Variants in TMEM209 observed in about 807,000 individuals in gnomAD.
The protein encoded by TMEM209 is transmembrane protein 209, also known as testicular tissue protein Li 202.
In TMEM209, 65 loss-of-function variants were observed where a neutral mutation model predicts 76.2. The ratio of observed to expected loss-of-function variants is 0.85; its 90% CI spans 0.70 to 1.05. TMEM209 has a LOEUF of 1.05. Among genes scored for constraint, TMEM209 ranks in the 50% least tolerant of loss-of-function variants. The pLI is 0.00. For missense variants in TMEM209, 623 were observed against 685.5 expected (o/e 0.91, Z 1.02); for synonymous variants, 239 against 237.6 (o/e 1.01, Z -0.06).
chr7:130,169,897 A>C (rs1401961532), intron 14 of TMEM209, among the ~76,000 whole-genome samples: 1 of 152,122 alleles, frequency 6.6e-6, no homozygotes, highest in Non-Finnish European at 1.5e-5. Flanking sequence ...CTAATCATCA[A>C]AATGACAATA....
chr7:130,205,203 G>A (rs1798403522), intron 1 of TMEM209, 170 bp downstream of exon 1: 3 of 1,552,104 alleles, frequency 1.9e-6, no homozygotes, highest in Non-Finnish European at 1.7e-6. Context: ...CCCGGCTCCT[G>A]GGCACGAACT....
chr7:130,175,341 G>A (rs1446843796), intron 11 of TMEM209, 171 bp downstream of exon 11: 10 of 556,500 alleles, frequency 1.8e-5, no homozygotes, highest in Non-Finnish European at 3.1e-5. Context: ...TTCAGGCCTA[G>A]TCCCAGCTAC....
intron 1 of TMEM209, chr7:130,204,909 G>T (rs1447686883): frequency 1.9e-6 from 2 of 1,038,960 alleles, no homozygotes; most frequent in African/African-American, 3.3e-5. Flanking sequence ...GTACTCCAGG[G>T]CTCTCCCTTT....
At chr7:130,199,030 T>C (rs1185276930) in intron 5 of TMEM209, among the ~76,000 whole-genome samples, 2 of 152,196 alleles carry the variant, frequency 1.3e-5, no homozygotes, top group African/African-American at 4.8e-5. Flanking sequence ...AAGGTTTTTG[T>C]TTTACATTTT....
At chr7:130,181,007 C>T (rs912397247) in intron 9 of TMEM209, among the ~76,000 whole-genome samples, 3 of 152,168 alleles carry the variant, frequency 2.0e-5, no homozygotes, top group South Asian at 2.1e-4. Flanking sequence ...AACACTTGTA[C>T]GTGACTGTTC....
Position 130,202,110 on chromosome 7 carries a change from C to T in TMEM209, c.332-19G>A. 6.5e-7 allele frequency: 1 copy of T among 1,530,660 alleles called. No individual in the cohort carries two copies. Among genetic ancestry groups the T allele is most frequent in the South Asian group, 1.1e-5 (1 of 87,710 alleles). The allele number at this position is 1,530,660 out of a possible 1,614,324, so 94.8% of individuals were successfully genotyped here. A position where few individuals can be genotyped will look rare whatever the true frequency, so the allele number is the denominator to read the frequency against. On this transcript the variant is annotated intron_variant, in intron 4 of 14. Coordinates refer to ENST00000397622, the MANE Select transcript of TMEM209 (RefSeq NM_032842.4). ...TGTACAACTAGAAGGAAAAAAAAAG[C>T]AACATATGTGTATGTACCTTCAAAT...
chr7:130,173,961 T>C (rs1797157988), intron 11 of TMEM209, 22 bp from the exon 12 acceptor site: 2 of 1,525,034 alleles, frequency 1.3e-6, no homozygotes, highest in East Asian at 2.3e-5. Flanking sequence ...GAAATAATTT[T>C]TTTTTAAGTC....
chr7:130,185,765 C>T (rs1447324458), intron 6 of TMEM209, among the ~76,000 whole-genome samples: 3 of 152,148 alleles, frequency 2.0e-5, no homozygotes, highest in African/African-American at 7.2e-5. Context: ...AAAGGGATAA[C>T]TATAGCCTCC....
intron 5 of TMEM209, among the ~76,000 whole-genome samples, chr7:130,199,512 G>A (rs1360814582): frequency 1.3e-5 from 2 of 152,158 alleles, no homozygotes; most frequent in East Asian, 1.9e-4. Flanking sequence ...GACCCGCTGC[G>A]CCCAGCCGTC....
At chr7:130,167,402 A>G (rs1562882463) in intron 14 of TMEM209, among the ~76,000 whole-genome samples, 1 of 152,144 alleles carries the variant, frequency 6.6e-6, no homozygotes, top group African/African-American at 2.4e-5. Flanking sequence ...ACAGAAAAAA[A>G]AGTTAATTTT....
intron 5 of TMEM209, among the ~76,000 whole-genome samples, chr7:130,198,102 C>T (rs534377152): frequency 1.4e-4 from 22 of 152,290 alleles, no homozygotes; most frequent in African/African-American, 4.6e-4. Context: ...TAGATAACCA[C>T]TAATCTTCCT....
chr7:130,204,495 C>G (rs1198743572), intron 1 of TMEM209, among the ~76,000 whole-genome samples: 1 of 152,178 alleles, frequency 6.6e-6, no homozygotes, highest in Non-Finnish European at 1.5e-5. Context: ...ACGCCCGCCA[C>G]CGCGTCCGAC....
intron 10 of TMEM209, among the ~76,000 whole-genome samples, chr7:130,177,238 C>T (rs1245573274): frequency 2.0e-5 from 3 of 151,468 alleles, no homozygotes; most frequent in African/African-American, 7.3e-5. Context: ...GTAATCCCAG[C>T]TACTCAGGAG....
chr7:130,196,307 CTTCT>C (rs978132405), intron 5 of TMEM209, among the ~76,000 whole-genome samples: 1 of 147,226 alleles, frequency 6.8e-6, no homozygotes, highest in Non-Finnish European at 1.5e-5. Context: ...TGGTTTTCTA[CTTCT>C]TAGCCAATTT....
In TMEM209 at chr7:130,184,381, T is replaced by A. The variant is rs1192429491; in HGVS notation, c.952-126A>T. 4.8e-6 allele frequency: 3 copies of A among 625,708 alleles called. No individual in the cohort carries two copies. In the Admixed American group the frequency reaches 9.3e-5, roughly 19 times the overall value. 38.8% of individuals were successfully genotyped at this position (625,708 alleles called of 1,614,324 possible). A position where few individuals can be genotyped will look rare whatever the true frequency, so the allele number is the denominator to read the frequency against. ...AAAAAAATTTCCCAAACATCAATAT[T>A]CATCTAATTAATATTCAGTAATTTT... On this transcript the variant is annotated intron_variant, in intron 7 of 14. Coordinates refer to ENST00000397622, the MANE Select transcript of TMEM209 (RefSeq NM_032842.4).
intron 5 of TMEM209, among the ~76,000 whole-genome samples, chr7:130,199,139 T>C (rs943076337): frequency 5.3e-5 from 8 of 152,246 alleles, no homozygotes; most frequent in Admixed American, 3.3e-4. Flanking sequence ...CATATAATTC[T>C]TCCTCCTCTA....
At chr7:130,205,344 G>T (rs748216161) in intron 1 of TMEM209, 29 bp downstream of exon 1, 2 of 1,613,810 alleles carry the variant, frequency 1.2e-6, no homozygotes, top group East Asian at 4.5e-5. Context: ...TCCAAGACAG[G>T]AAGCACAAAC....
At chr7:130,201,204 C>T (rs562595410) in intron 5 of TMEM209, among the ~76,000 whole-genome samples, 10 of 151,090 alleles carry the variant, frequency 6.6e-5, no homozygotes, top group Non-Finnish European at 1.0e-4. Flanking sequence ...AGATGTTAGT[C>T]GAACACAGTA....
chr7:130,168,834 T>C (rs1276513024), intron 14 of TMEM209, among the ~76,000 whole-genome samples: 4 of 152,222 alleles, frequency 2.6e-5, no homozygotes, highest in Non-Finnish European at 5.9e-5. Context: ...TAAATACTTA[T>C]CTACTGAGTA....
Sources: gnomAD v4.1 joint callset for allele counts (sites outside exome capture counted in the v4.1 genomes callset) on GRCh38, gnomAD v4.1.1 for gene constraint, MANE v1.5 for transcripts, NCBI Gene and HGNC (gene_info 2026-07-23, HGNC 2026-07-21) for gene names.